MADD: variants seen among roughly 807,000 people sequenced by gnomAD.
The protein encoded by MADD is MAP kinase-activating death domain protein.
Under a neutral mutation model 176.7 loss-of-function variants are expected in MADD, and 109 were observed. That is an observed-to-expected ratio of 0.62 (90% CI 0.53 to 0.72). The LOEUF (loss-of-function observed/expected upper bound fraction) is 0.72. Ranked by LOEUF, MADD falls within the 30% of genes least tolerant of loss-of-function variation. MADD has a pLI of 0.00. For synonymous variants in MADD, 771 were observed against 771.3 expected, an observed-to-expected ratio of 1.00 and a Z score of 0.01; for missense variants, 1,914 against 2,045.5, an observed-to-expected ratio of 0.94 and a Z score of 1.24.
intron 25 of MADD, among the ~76,000 whole-genome samples, chr11:47,310,907 C>CA (rs34331746): frequency 0.25 from 33,126 of 130,876 alleles, 4,970 homozygotes; most frequent in East Asian, 0.6. Context: ...AAATCCATCT[C>CA]AAAAAAAAAA....
intron 22 of MADD, among the ~76,000 whole-genome samples, chr11:47,298,274 A>C (rs1175353947): frequency 6.6e-6 from 1 of 152,232 alleles, no homozygotes; most frequent in East Asian, 1.9e-4. Context: ...CTTAGAAGAA[A>C]ATCCTCCACC....
At chr11:47,327,656 T>C in intron 31 of MADD, 1 of 985,392 alleles carries the variant, frequency 1.0e-6, no homozygotes, top group Non-Finnish European at 1.2e-6. Flanking sequence ...GTCAGAGAGA[T>C]ACTTGGGGGA....
chr11:47,302,792 T>C (rs2078938155), intron 22 of MADD, among the ~76,000 whole-genome samples: 1 of 152,214 alleles, frequency 6.6e-6, no homozygotes, highest in African/African-American at 2.4e-5. Flanking sequence ...TTCTGTTGTT[T>C]TGTTAATTGT....
chr11:47,273,786 G>C, intron 1 of MADD, 41 bp from the exon 2 acceptor site: 1 of 733,660 alleles, frequency 1.4e-6, no homozygotes, highest in Non-Finnish European at 2.4e-6. Context: ...GAGTCCCTTA[G>C]GCACAGCAGT....
intron 8 of MADD, 143 bp downstream of exon 8, chr11:47,281,896 A>G (rs1258820482): frequency 4.3e-6 from 2 of 469,332 alleles, no homozygotes; most frequent in East Asian, 7.8e-5. Flanking sequence ...GTGCAATGGC[A>G]TAATCTCAGC....
chr11:47,319,920 G>A lies in MADD; in HGVS notation c.4198-3751G>A, dbSNP rs571025090. Among the ~76,000 whole-genome samples the A allele has an allele frequency of 5.7e-3, 848 of 148,838 alleles. 11 individuals are homozygous for A. The highest frequency in any genetic ancestry group is 0.02 in the African/African-American group (802 of 40,386). On this transcript the variant is annotated intron_variant, in intron 27 of 32. Coordinates refer to ENST00000402192, the Ensembl canonical transcript of MADD. ...GGCAGGAGAATCGCTTGAACCCGGA[G>A]GCGGAGGTTGCAGTGAGCCGAGATC...
chr11:47,324,505 C>T, exon 30 of MADD: 6 of 1,614,106 alleles, frequency 3.7e-6, no homozygotes, highest in Non-Finnish European at 5.1e-6. Context: ...CTGTGCAGGA[C>T]CTGAAGACTG....
In MADD at chr11:47,290,146, CAGG is replaced by C; in HGVS notation, c.2944_2946del (p.Glu982del). 6.2e-7 allele frequency: 1 copy of C among 1,613,852 alleles called. No homozygotes were observed. On this transcript the variant is annotated splice_acceptor_variant and coding_sequence_variant, in exon 18 of 33. Transcript: ENST00000402192. LOFTEE classifies it high-confidence loss of function. ...AACGCTAGCCCCTGGGTTATTGTTGCAGGAGATCAGTCGGAAGGTGTACAAGGG... is the reference window on the plus strand; with the variant it reads ...AACGCTAGCCCCTGGGTTATTGTTGCAGATCAGTCGGAAGGTGTACAAGGG...
At chr11:47,277,858 C>T (rs1022621665) in intron 5 of MADD, among the ~76,000 whole-genome samples, 2 of 152,124 alleles carry the variant, frequency 1.3e-5, no homozygotes, top group African/African-American at 4.8e-5. Context: ...GATCAAGCTG[C>T]AGTTTAAAAT....
Position 47,309,360 on chromosome 11 carries a change from A to C in MADD, c.3831A>C (p.Glu1277Asp). 3 of 1,614,216 alleles carry C rather than the reference A, an allele frequency of 1.9e-6. No homozygotes were observed. The South Asian group carries it at 3.3e-5, about 18-fold the overall frequency. The change falls in exon 24 of 33, where the codon GAA (glutamate) becomes GAC (aspartate). Residue 1277 changes from glutamate (E) to aspartate (D), a missense_variant. By Grantham distance (45) the Glu-to-Asp change is conservative. Transcript: ENST00000402192. ...TAGATGCTGTGATGTTGGAGAGAGAAGGGATGGGTATGGACCAGGGTCCCC... is the reference window on the plus strand; with the variant it reads ...TAGATGCTGTGATGTTGGAGAGAGACGGGATGGGTATGGACCAGGGTCCCC...
intron 22 of MADD, among the ~76,000 whole-genome samples, chr11:47,297,836 TG>T (rs1278228172): frequency 6.8e-6 from 1 of 146,136 alleles, no homozygotes; most frequent in African/African-American, 2.6e-5. Context: ...TCGCCCAGGC[TG>T]GAGTGCAGTG....
chr11:47,296,505 G>A (rs530309738), intron 22 of MADD, among the ~76,000 whole-genome samples: 8 of 152,046 alleles, frequency 5.3e-5, no homozygotes, highest in Non-Finnish European at 1.0e-4. Context: ...GTTATTTGAA[G>A]TTTTCATTCA....
At chr11:47,298,780 A>G (rs1358277573) in intron 22 of MADD, among the ~76,000 whole-genome samples, 1 of 152,178 alleles carries the variant, frequency 6.6e-6, no homozygotes, top group Non-Finnish European at 1.5e-5. Context: ...CATTTCTGCT[A>G]CGTTTTCTTC....
intron 31 of MADD, 65 bp downstream of exon 35, chr11:47,326,872 A>AGAG: frequency 1.2e-6 from 2 of 1,607,026 alleles, no homozygotes; most frequent in Non-Finnish European, 1.7e-6. Context: ...TCGGAGCTCC[A>AGAG]GAGGAGGGTC....
At chr11:47,285,268 T>C in intron 13 of MADD, 74 bp downstream of exon 13, 1 of 1,574,270 alleles carries the variant, frequency 6.4e-7, no homozygotes, top group African/African-American at 1.3e-5. Context: ...CAAGGGTTAA[T>C]CAGAAAGTCT....
At chr11:47,273,942 C>G in exon 2 of MADD, 1 of 1,614,054 alleles carries the variant, frequency 6.2e-7, no homozygotes, top group Non-Finnish European at 8.5e-7. Flanking sequence ...GTTCTGTCCT[C>G]GGTTACTTGA....
Position 47,276,728 on chromosome 11 carries a change from A to G in MADD, c.964-4A>G. On this transcript the variant is annotated splice_region_variant and splice_polypyrimidine_tract_variant and intron_variant, in intron 4 of 32. Transcript: ENST00000402192. ...AGTGATTCTTACTGGATGGCTCATG[A>G]CAGGTGGTGCTACAGTCCCGAGACT... 1 of 1,614,070 alleles carries G rather than the reference A, an allele frequency of 6.2e-7. No individual in the cohort carries two copies. Among genetic ancestry groups the G allele is most frequent in the Non-Finnish European group, 8.5e-7 (1 of 1,179,990 alleles).
chr11:47,312,856 A>G (rs962739599), intron 26 of MADD, among the ~76,000 whole-genome samples: 19 of 152,222 alleles, frequency 1.2e-4, no homozygotes, highest in African/African-American at 4.6e-4. Flanking sequence ...TTGTGACAAA[A>G]TGGGAAGTAC....
Position 47,325,530 on chromosome 11 carries a change from T to C in MADD, c.4542+953T>C, listed in dbSNP as rs995156437. Among the ~76,000 whole-genome samples, 10 of 152,178 alleles carry C rather than the reference T, an allele frequency of 6.6e-5. No individual in the cohort carries two copies. The highest frequency in any genetic ancestry group is 1.2e-4 in the Non-Finnish European group (8 of 68,024). ...CCTCCGCTAGCCGTTGTAGCTCTCT[T>C]TCAGGAACGTAGCTGGGCAGCTTTG... On this transcript the variant is annotated intron_variant, in intron 30 of 32. Coordinates refer to ENST00000402192, the Ensembl canonical transcript of MADD. This position sits in a 1 kb window ranked among gnomAD's most constrained non-coding sequence, Gnocchi z 4.5.
Sources: allele counts gnomAD v4.1 joint callset (sites outside exome capture counted in the v4.1 genomes callset), GRCh38; gene constraint gnomAD v4.1.1; non-coding constraint Gnocchi (gnomAD v3.1); transcripts MANE v1.5; gene names NCBI Gene and HGNC (gene_info 2026-07-23, HGNC 2026-07-21).